PLG: variants seen among roughly 807,000 people sequenced by gnomAD.
PLG encodes plasmin.
A neutral mutation model predicts 104.4 loss-of-function variants in PLG; 41 were observed. The ratio of observed to expected loss-of-function variants is 0.39; its 90% CI spans 0.31 to 0.51. PLG has a LOEUF of 0.51. Among genes scored for constraint, PLG ranks in the 20% least tolerant of loss-of-function variants. The probability of loss-of-function intolerance (pLI) is 0.76; values close to 1 mark genes in which losing one functional copy is unlikely to be tolerated. For missense variants in PLG, 891 were observed against 1,003.6 expected (o/e 0.89, Z 1.52); for synonymous variants, 337 against 357.1 (o/e 0.94, Z 0.63).
At chr6:160,717,733 C>A (rs1302143215) in intron 7 of PLG, among the ~76,000 whole-genome samples, 5 of 152,130 alleles carry the variant, frequency 3.3e-5, no homozygotes, top group Non-Finnish European at 5.9e-5. Flanking sequence ...AAGAACTGAG[C>A]AAAGAGAACA....
chr6:160,749,846 C>T (rs757005013), intron 17 of PLG, among the ~76,000 whole-genome samples: 1 of 151,120 alleles, frequency 6.6e-6, no homozygotes, highest in Non-Finnish European at 1.5e-5. Flanking sequence ...TTATCATTAC[C>T]ACCACCATCA....
At position 160,741,618 on chromosome 6, in the gene PLG, G is replaced by GTCTC. The variant is rs4252172; in HGVS notation, c.2125+215_2125+218dup. ...AAAGGGAGGAAAACTGTGTCTTTGAGTCTCTCTCTCTCTCTCTGTTTTCAG... is the reference window on the plus strand; with the variant it reads ...AAAGGGAGGAAAACTGTGTCTTTGAGTCTCTCTCTCTCTCTCTCTCTGTTTTCAG... On this transcript the variant is annotated intron_variant, in intron 17 of 18. Coordinates refer to ENST00000308192, the MANE Select transcript of PLG (RefSeq NM_000301.5). The surrounding 1 kb of genome is among the most constrained non-coding windows in gnomAD (Gnocchi z 4.7). Among the ~76,000 whole-genome samples the GTCTC allele has an allele frequency of 6.6e-6, 1 of 150,532 alleles. No individual in the cohort carries two copies. The highest frequency in any genetic ancestry group is 1.5e-5 in the Non-Finnish European group (1 of 67,410).
intron 17 of PLG, among the ~76,000 whole-genome samples, chr6:160,750,009 G>A (rs955251996): frequency 1.5e-4 from 23 of 152,156 alleles, no homozygotes; most frequent in East Asian, 3.9e-4. Context: ...CAGTCCCACC[G>A]CCAACCACCA....
chr6:160,711,401 T>G, intron 4 of PLG: 1 of 710,672 alleles, frequency 1.4e-6, no homozygotes, highest in Non-Finnish European at 2.4e-6. Context: ...GTTGTTATAC[T>G]GTATTGTTTT....
chr6:160,734,574 T>C lies in PLG; in HGVS notation c.1681+486T>C, dbSNP rs192933449. 3.9e-5 allele frequency among the ~76,000 whole-genome samples: 6 copies of C among 152,228 alleles called. No homozygotes were observed. Among genetic ancestry groups the C allele is most frequent in the Non-Finnish European group, 8.8e-5 (6 of 67,992 alleles). The stretch of plus-strand genomic sequence containing the variant: ...GCTCTTTAGCCCCAGATGGCCTTTC[T>C]TATAAGTTTACTACTCACAAGTCAC... On this transcript the variant is annotated intron_variant, in intron 13 of 18. Transcript: ENST00000308192. The surrounding 1 kb of genome is among the most constrained non-coding windows in gnomAD (Gnocchi z 4.4).
intron 12 of PLG, among the ~76,000 whole-genome samples, chr6:160,733,746 A>G (rs1778039420): frequency 6.6e-6 from 1 of 151,208 alleles, no homozygotes; most frequent in African/African-American, 2.4e-5. Context: ...CAGGAGGCTG[A>G]AGCAGGAGAA....
chr6:160,706,242 T>C, intron 1 of PLG, 165 bp from the exon 2 acceptor site: 1 of 854,878 alleles, frequency 1.2e-6, no homozygotes, highest in South Asian at 1.6e-5. Context: ...CCCGACTGTG[T>C]GTTCTTAACT....
At chr6:160,707,089 T>C (rs1021837130) in intron 2 of PLG, among the ~76,000 whole-genome samples, 1 of 152,022 alleles carries the variant, frequency 6.6e-6, no homozygotes, top group Non-Finnish European at 1.5e-5. Context: ...TGAGCTGGGT[T>C]TGGAGTTGAG....
In PLG at chr6:160,736,949, G is replaced by T. The variant is rs768183951; in HGVS notation, c.1744G>T (p.Val582Leu). 2.9e-5 allele frequency: 46 copies of T among 1,613,918 alleles called. No homozygotes were observed. The highest frequency in any genetic ancestry group is 2.7e-5 in the African/African-American group (2 of 74,914). Residue 582 changes from valine to leucine, a missense_variant, in exon 14 of 19, where the codon GTA becomes TTA. This residue lies in a region of PLG where 854 missense variants were observed against 932.1 expected (regional missense o/e 0.92). Coordinates refer to ENST00000308192, the MANE Select transcript of PLG (RefSeq NM_000301.5). This position sits in a 1 kb window ranked among gnomAD's most constrained non-coding sequence, Gnocchi z 5.2. ...GCCGAAGAAATGTCCTGGAAGGGTT[G>T]TAGGGGGGTGTGTGGCCCACCCACA... ...VEPKKCPGRV[V>L]GGCVAHPHSW...
intron 5 of PLG, among the ~76,000 whole-genome samples, chr6:160,714,506 G>T (rs150879374): frequency 2.0e-4 from 31 of 152,308 alleles, no homozygotes; most frequent in African/African-American, 7.2e-4. Flanking sequence ...CCCGGTCTAA[G>T]GACATGGCAT....
Position 160,731,787 on chromosome 6 carries a change from C to A in PLG, c.1481C>A (p.Ala494Glu), listed in dbSNP as rs4252128. 67 of 1,613,642 alleles carry A rather than the reference C, an allele frequency of 4.2e-5. No homozygotes were observed. Among genetic ancestry groups the A allele is most frequent in the Non-Finnish European group, 1.9e-5 (22 of 1,179,770 alleles). Residue 494 changes from alanine (A) to glutamate (E), a missense_variant, in exon 12 of 19, where the codon GCG becomes GAG. By Grantham distance (107) the Ala-to-Glu change is moderately radical. Coordinates refer to ENST00000308192, the MANE Select transcript of PLG (RefSeq NM_000301.5). This position sits in a 1 kb window ranked among gnomAD's most constrained non-coding sequence, Gnocchi z 5.1. ...GNGKGYRGKR[A>E]TTVTGTPCQD... ...GGGAAAGGATACCGAGGCAAGAGGGCGACCACTGTTACTGGGACGCCATGC... is the reference window on the plus strand; with the variant it reads ...GGGAAAGGATACCGAGGCAAGAGGGAGACCACTGTTACTGGGACGCCATGC...
At chr6:160,748,382 A>AAGAAAG (rs1448189004) in intron 17 of PLG, among the ~76,000 whole-genome samples, 3 of 42,446 alleles carry the variant, frequency 7.1e-5, no homozygotes, top group African/African-American at 2.4e-4. Context: ...GAAAGAAAGA[A>AAGAAAG]AGAAAGAAAG....
At chr6:160,747,787 A>G (rs1354513921) in intron 17 of PLG, among the ~76,000 whole-genome samples, 1 of 152,194 alleles carries the variant, frequency 6.6e-6, no homozygotes, top group Non-Finnish European at 1.5e-5. Context: ...ATTGAGGCCA[A>G]GTAAAAGGAA....
intron 9 of PLG, among the ~76,000 whole-genome samples, chr6:160,720,701 G>A (rs1777816260): frequency 6.6e-6 from 1 of 152,092 alleles, no homozygotes; most frequent in African/African-American, 2.4e-5. Context: ...GTACAGGTGT[G>A]AGCAACCGTG....
In PLG at chr6:160,702,257, A is replaced by C; in HGVS notation, c.-48A>C. ...GTTTACTCTCATGTAAGTCAACAAC[A>C]TCCTGGGATTGGGACCCACTTTCTG... On this transcript the variant is annotated 5_prime_UTR_variant, in exon 1 of 19. Transcript: ENST00000308192. 1 of 1,606,442 alleles carries C rather than the reference A, an allele frequency of 6.2e-7. No homozygotes were observed. The highest frequency in any genetic ancestry group is 2.2e-5 in the East Asian group (1 of 44,854).
intron 7 of PLG, 70 bp downstream of exon 7, chr6:160,716,833 T>C: frequency 1.1e-6 from 1 of 917,230 alleles, no homozygotes; most frequent in African/African-American, 1.6e-5. Context: ...AGAAAACATG[T>C]GTCAGTGCCT....
intron 12 of PLG, among the ~76,000 whole-genome samples, chr6:160,733,404 ACCCATTCTCCAAAGACCCCCGAGG>A (rs1482794468): frequency 2.6e-5 from 4 of 151,952 alleles, no homozygotes; most frequent in African/African-American, 9.7e-5. Flanking sequence ...CTGAAGGGAG[ACCCATTCTCCAAAGACCCCCGAGG>A]GTCACCACTC....
intron 6 of PLG, 35 bp downstream of exon 6, chr6:160,714,949 T>C (rs1258642475): frequency 1.2e-5 from 19 of 1,603,570 alleles, no homozygotes; most frequent in Non-Finnish European, 1.6e-5. Flanking sequence ...CCATGTTTAA[T>C]TAAGGCTCTG....
chr6:160,730,866 T>A, intron 10 of PLG, 185 bp from the exon 11 acceptor site: 1 of 595,440 alleles, frequency 1.7e-6, no homozygotes, highest in Non-Finnish European at 3.0e-6. Context: ...AAAATCTGTC[T>A]TTGAAATGTA....
Sources: gnomAD v4.1 joint callset for allele counts (sites outside exome capture counted in the v4.1 genomes callset) on GRCh38, gnomAD v4.1.1 for gene constraint, gnomAD v4.1.1 regional missense constraint, Gnocchi (gnomAD v3.1) non-coding constraint, MANE v1.5 for transcripts, NCBI Gene and HGNC (gene_info 2026-07-23, HGNC 2026-07-21) for gene names.